Variants in SEMA3E observed in about 807,000 individuals in gnomAD.
SEMA3E encodes semaphorin 3E.
Under a neutral mutation model 93.6 loss-of-function variants are expected in SEMA3E, and 49 were observed. The ratio of observed to expected loss-of-function variants is 0.52; its 90% CI spans 0.42 to 0.66. The LOEUF is 0.66. SEMA3E is among the 30% of genes least tolerant of loss of function. The probability of loss-of-function intolerance (pLI) is 0.00; values close to 1 mark genes in which losing one functional copy is unlikely to be tolerated. For synonymous variants in SEMA3E, 363 were observed against 330.7 expected (o/e 1.10, Z -1.06); for missense variants, 906 against 964.8 (o/e 0.94, Z 0.81).
intron 1 of SEMA3E, among the ~76,000 whole-genome samples, chr7:83,545,794 T>C (rs1432300479): frequency 2.1e-5 from 3 of 143,900 alleles, no homozygotes; most frequent in Non-Finnish European, 4.5e-5. Context: ...TGTGTATATA[T>C]ATACAAATAT....
chr7:83,414,095 T>C (rs1379213552), intron 5 of SEMA3E, among the ~76,000 whole-genome samples: 1 of 152,210 alleles, frequency 6.6e-6, no homozygotes, highest in Non-Finnish European at 1.5e-5. Context: ...TAAGAAATTA[T>C]AGATATTCTT....
At chr7:83,628,482 A>G (rs940940217) in intron 1 of SEMA3E, among the ~76,000 whole-genome samples, 5 of 151,508 alleles carry the variant, frequency 3.3e-5, no homozygotes, top group Admixed American at 1.3e-4. Flanking sequence ...GGCTTTTTTC[A>G]TTCTTTTCTT....
At chr7:83,380,117 T>C (rs765155273) in intron 16 of SEMA3E, among the ~76,000 whole-genome samples, 2 of 151,866 alleles carry the variant, frequency 1.3e-5, no homozygotes, top group Admixed American at 1.3e-4. Flanking sequence ...TCCTGTATTA[T>C]TGGAATCATG....
At chr7:83,418,650 CAT>C (rs1377788423) in intron 4 of SEMA3E, among the ~76,000 whole-genome samples, 167 bp from the exon 5 acceptor site, 1 of 152,034 alleles carries the variant, frequency 6.6e-6, no homozygotes. Flanking sequence ...TAAATAAGCA[CAT>C]GTGTTTTACA....
intron 2 of SEMA3E, among the ~76,000 whole-genome samples, chr7:83,480,745 C>T (rs1170110154): frequency 6.6e-6 from 1 of 151,914 alleles, no homozygotes; most frequent in African/African-American, 2.4e-5. Context: ...TTAAATTTTA[C>T]CAGCAACTGA....
intron 16 of SEMA3E, among the ~76,000 whole-genome samples, chr7:83,384,708 T>G (rs1787845104): frequency 6.6e-6 from 1 of 152,054 alleles, no homozygotes; most frequent in Non-Finnish European, 1.5e-5. Context: ...TTCTTCCATC[T>G]CTACAAGCAT....
intron 11 of SEMA3E, among the ~76,000 whole-genome samples, chr7:83,399,368 A>G (rs1788190941): frequency 6.6e-6 from 1 of 152,126 alleles, no homozygotes; most frequent in Admixed American, 6.5e-5. Flanking sequence ...CACTTGTAGC[A>G]TATTTATCAT....
intron 1 of SEMA3E, among the ~76,000 whole-genome samples, chr7:83,599,636 T>C (rs575397672): frequency 6.6e-6 from 1 of 152,336 alleles, no homozygotes; most frequent in Admixed American, 6.5e-5. Context: ...CCTAACACTT[T>C]ACATACAAAT....
chr7:83,603,970 A>G (rs1793051939), intron 1 of SEMA3E, among the ~76,000 whole-genome samples: 1 of 152,166 alleles, frequency 6.6e-6, no homozygotes, highest in African/African-American at 2.4e-5. Flanking sequence ...TTAAATTTGT[A>G]TAGAAATTAT....
intron 3 of SEMA3E, among the ~76,000 whole-genome samples, chr7:83,468,645 C>G (rs1025423185): frequency 6.6e-6 from 1 of 151,968 alleles, no homozygotes; most frequent in African/African-American, 2.4e-5. Flanking sequence ...ACAAAATCAG[C>G]TAGCCACTGC....
At chr7:83,382,816 T>C (rs1359237058) in intron 16 of SEMA3E, among the ~76,000 whole-genome samples, 1 of 151,804 alleles carries the variant, frequency 6.6e-6, no homozygotes, top group Non-Finnish European at 1.5e-5. Context: ...CAGGAGTCTA[T>C]AAACTGCATA....
chr7:83,499,464 G>A (rs2115593427), intron 1 of SEMA3E, among the ~76,000 whole-genome samples: 1 of 152,280 alleles, frequency 6.6e-6, no homozygotes, highest in East Asian at 1.9e-4. Flanking sequence ...GTGAGGTTAA[G>A]CATCTTTCAT....
chr7:83,554,369 CA>C (rs886337531), intron 1 of SEMA3E, among the ~76,000 whole-genome samples: 2 of 152,000 alleles, frequency 1.3e-5, no homozygotes, highest in Admixed American at 1.3e-4. Context: ...AAGTTGAAAC[CA>C]AATGACTTGA....
rs1787855370 is a variant in SEMA3E, at chr7:83,385,307, G to T, written c.1862C>A (p.Thr621Lys). ...GCTATGAATTACCTCCTCTTTTCTT[G>T]TCTCACGTCCTTTCTGTACAAACCA... The part of the protein sequence containing the change: ...VIWFVQKGRE[T>K]RKEEVKTDDR... Residue 621 changes from threonine (T) to lysine (K), a missense_variant, in exon 16 of 17, where the codon ACA becomes AAA. Thr to Lys is a moderately conservative substitution (Grantham distance 78, BLOSUM62 -1). Transcript: ENST00000643230. The T allele has an allele frequency of 6.2e-7, 1 of 1,612,940 alleles. No homozygotes were observed. Among genetic ancestry groups the T allele is most frequent in the Admixed American group, 1.7e-5 (1 of 59,900 alleles).
chr7:83,505,669 A>G (rs541791382), intron 1 of SEMA3E, among the ~76,000 whole-genome samples: 11 of 152,246 alleles, frequency 7.2e-5, no homozygotes, highest in Non-Finnish European at 1.3e-4. Flanking sequence ...TAAGAATTAC[A>G]GAATTAGTTC....
intron 4 of SEMA3E, 75 bp from the exon 5 acceptor site, chr7:83,418,558 T>C (rs527767841): frequency 3.0e-6 from 3 of 990,580 alleles, no homozygotes; most frequent in Non-Finnish European, 4.7e-6. Flanking sequence ...GTAAAACATA[T>C]GAAACTTCGA....
intron 4 of SEMA3E, among the ~76,000 whole-genome samples, chr7:83,459,586 T>C (rs1018761189): frequency 6.6e-6 from 1 of 152,202 alleles, no homozygotes; most frequent in Admixed American, 6.5e-5. Flanking sequence ...TTCTTTAAAA[T>C]GAATCAATAA....
rs1788207252 is a variant in SEMA3E, at chr7:83,400,062, C to T, written c.1332G>A (p.Glu444=). The T allele has an allele frequency of 6.2e-7, 1 of 1,613,978 alleles. No homozygotes were observed. The highest frequency in any genetic ancestry group is 8.5e-7 in the Non-Finnish European group (1 of 1,179,906). The change falls in exon 11 of 17, where the codon GAG becomes GAA. Residue 444 remains glutamate, a synonymous_variant. Coordinates refer to ENST00000643230, the MANE Select transcript of SEMA3E (RefSeq NM_012431.3). ...TAAACAAGACGTCATATTGGCCATCCTCAGCTTCCACTCGATCTACTGCTA... is the reference window on the plus strand; with the variant it reads ...TAAACAAGACGTCATATTGGCCATCTTCAGCTTCCACTCGATCTACTGCTA... The part of the protein sequence containing the change: ...KQIAVDRVEA[E]DGQYDVLFIG...
At chr7:83,454,274 T>C (rs67712920) in intron 4 of SEMA3E, among the ~76,000 whole-genome samples, 3 of 87,426 alleles carry the variant, frequency 3.4e-5, no homozygotes, top group Non-Finnish European at 5.9e-5. Flanking sequence ...AAAAAAAAAA[T>C]ATATATATAT....
Sources: allele counts gnomAD v4.1 joint callset (sites outside exome capture counted in the v4.1 genomes callset), GRCh38; gene constraint gnomAD v4.1.1; transcripts MANE v1.5; gene names NCBI Gene and HGNC (gene_info 2026-07-23, HGNC 2026-07-21).